Variants in BCL2L11 observed in about 807,000 individuals in gnomAD.
The protein encoded by BCL2L11 is BCL2 like 11.
Under a neutral mutation model 20.6 loss-of-function variants are expected in BCL2L11, and 15 were observed. That is an observed-to-expected ratio of 0.73 (90% confidence interval 0.49 to 1.12). BCL2L11 has a LOEUF of 1.12. Among genes scored for constraint, BCL2L11 ranks in the 50% most tolerant of loss-of-function variants. BCL2L11 has a pLI of 0.00. For missense variants in BCL2L11, 292 were observed against 260.9 expected, an observed-to-expected ratio of 1.12 and a Z score of -0.82; for synonymous variants, 108 against 92.8, an observed-to-expected ratio of 1.16 and a Z score of -0.94.
At chr2:111,145,920 CTTTTTT>C (rs58738963) in intron 2 of BCL2L11, 3,915 of 731,624 alleles carry the variant, frequency 5.4e-3, no homozygotes, top group Middle Eastern at 0.012. Flanking sequence ...TAGTGGCTTT[CTTTTTT>C]TTTTTTTTTT....
At chr2:111,147,775 G>A (rs993317951) in intron 2 of BCL2L11, among the ~76,000 whole-genome samples, 1 of 152,174 alleles carries the variant, frequency 6.6e-6, no homozygotes, top group African/African-American at 2.4e-5. Context: ...TAATTTACGA[G>A]TTAGGGGAAA....
chr2:111,143,579 G>A (rs367622011), intron 2 of BCL2L11, among the ~76,000 whole-genome samples: 28 of 152,194 alleles, frequency 1.8e-4, no homozygotes, highest in East Asian at 1.2e-3. Flanking sequence ...GTGTTCTTCA[G>A]CGAGGACAGC....
rs2079007924 is a variant in BCL2L11 at position 111,166,126 on chromosome 2, T to G, written c.*1895T>G. On this transcript the variant is annotated 3_prime_UTR_variant, in exon 4 of 4. Coordinates refer to ENST00000393256, the MANE Select transcript of BCL2L11 (RefSeq NM_138621.5). The stretch of plus-strand genomic sequence containing the variant: ...CCACGGTTACAAGCAGTGGTAGGAT[T>G]GCAGCCGTGGGCCTGCTGGACACAC... The G allele has an allele frequency of 6.5e-6, 1 of 152,698 alleles. No individual in the cohort carries two copies. Among genetic ancestry groups the G allele is most frequent in the Non-Finnish European group, 1.5e-5 (1 of 68,060 alleles). 9.5% of individuals were successfully genotyped at this position (152,698 alleles called of 1,614,324 possible). A position where few individuals can be genotyped will look rare whatever the true frequency, so the allele number is the denominator to read the frequency against.
rs751588022 is a variant in BCL2L11, at chr2:111,123,733, A to G, written c.-13A>G. On this transcript the variant is annotated splice_region_variant and 5_prime_UTR_variant, in exon 2 of 4. Coordinates refer to ENST00000393256, the MANE Select transcript of BCL2L11 (RefSeq NM_138621.5). ...ATCTTAGTTTTTATTTTACTTGCAGAAAAAAAGACCAAATGGCAAAGCAAC... is the reference window on the plus strand; with the variant it reads ...ATCTTAGTTTTTATTTTACTTGCAGGAAAAAAGACCAAATGGCAAAGCAAC... The G allele has an allele frequency of 2.2e-6, 3 of 1,382,760 alleles. No homozygotes were observed. The African/African-American group carries it at 4.4e-5, about 20-fold the overall frequency. 85.7% of individuals were successfully genotyped at this position (1,382,760 alleles called of 1,614,324 possible). A position where few individuals can be genotyped will look rare whatever the true frequency, so the allele number is the denominator to read the frequency against.
intron 3 of BCL2L11, among the ~76,000 whole-genome samples, chr2:111,162,313 C>T (rs565401128): frequency 3.9e-5 from 6 of 152,340 alleles, no homozygotes; most frequent in South Asian, 2.1e-4. Context: ...CAGGCATCCC[C>T]GCACACTTGC....
chr2:111,153,274 G>C (rs997727307), intron 3 of BCL2L11, among the ~76,000 whole-genome samples: 2 of 152,088 alleles, frequency 1.3e-5, no homozygotes, highest in Admixed American at 6.5e-5. Context: ...AGCTACTCGG[G>C]AGGCTGAGGC....
In BCL2L11 at chr2:111,166,854, CTTA is replaced by C. The variant is rs2079044397; in HGVS notation, c.*2624_*2626del. On this transcript the variant is annotated 3_prime_UTR_variant, in exon 4 of 4. Coordinates refer to ENST00000393256, the MANE Select transcript of BCL2L11 (RefSeq NM_138621.5). Reference sequence around the variant, plus strand: ...ATACAATTGTCTGCCGTTTCCCCTTCTTAATGTATATATTGTGAGTATTTATTA... The same window carrying C: ...ATACAATTGTCTGCCGTTTCCCCTTCATGTATATATTGTGAGTATTTATTA... The C allele has an allele frequency of 6.6e-6, 1 of 152,558 alleles. No homozygotes were observed. The highest frequency in any genetic ancestry group is 2.4e-5 in the African/African-American group (1 of 41,422). The allele number at this position is 152,558 out of a possible 1,614,324, so 9.5% of individuals were successfully genotyped here.
chr2:111,154,263 A>T (rs1175116276), intron 3 of BCL2L11, among the ~76,000 whole-genome samples: 1 of 152,058 alleles, frequency 6.6e-6, no homozygotes, highest in Non-Finnish European at 1.5e-5. Flanking sequence ...CAGTGTAATT[A>T]TCAAAATTCA....
chr2:111,138,677 A>G (rs73954951), intron 2 of BCL2L11, among the ~76,000 whole-genome samples: 3,962 of 152,202 alleles, frequency 0.026, 167 homozygotes, highest in African/African-American at 0.089. Flanking sequence ...TCTCCATCGG[A>G]CAGGATCATG....
intron 1 of BCL2L11, chr2:111,122,610 G>T: frequency 1.0e-6 from 1 of 984,680 alleles, no homozygotes; most frequent in Non-Finnish European, 1.2e-6. Context: ...GGTGCCGGCG[G>T]CGGCGGGCGC....
At chr2:111,134,182 A>T (rs1460925671) in intron 2 of BCL2L11, among the ~76,000 whole-genome samples, 1 of 151,852 alleles carries the variant, frequency 6.6e-6, no homozygotes, top group East Asian at 1.9e-4. Flanking sequence ...ATGTAAGTCT[A>T]AATGCCTTTT....
intron 3 of BCL2L11, chr2:111,153,916 G>A (rs2077522535): frequency 3.9e-6 from 6 of 1,532,764 alleles, no homozygotes; most frequent in Non-Finnish European, 5.3e-6. Context: ...TGAGCGCAAA[G>A]TCCCAGTGCA....
At chr2:111,122,821 G>C in intron 1 of BCL2L11, 2 of 985,410 alleles carry the variant, frequency 2.0e-6, no homozygotes, top group Non-Finnish European at 2.4e-6. Context: ...CGCTGCTTTC[G>C]TGGTGACGGT....
intron 3 of BCL2L11, chr2:111,153,950 A>C (rs368166382): frequency 6.8e-7 from 1 of 1,461,082 alleles, no homozygotes; most frequent in East Asian, 2.6e-5. Context: ...CTCCCGATGC[A>C]GTGTCATTCC....
intron 3 of BCL2L11, among the ~76,000 whole-genome samples, chr2:111,159,654 A>T (rs2078315782): frequency 6.6e-6 from 1 of 152,182 alleles, no homozygotes; most frequent in Non-Finnish European, 1.5e-5. Flanking sequence ...TTATTTTGGC[A>T]TTAGAATGTC....
chr2:111,121,454 T>A (rs1470073038), intron 1 of BCL2L11, among the ~76,000 whole-genome samples: 1 of 152,210 alleles, frequency 6.6e-6, no homozygotes, highest in African/African-American at 2.4e-5. Context: ...CGCGCGGGCC[T>A]GGTGAAGGGT....
Position 111,123,845 on chromosome 2 carries a change from A to T in BCL2L11, c.100A>T (p.Thr34Ser). The change falls in exon 2 of 4, where the codon ACC (threonine) becomes TCC (serine). Residue 34 changes from threonine to serine, a missense_variant. Coordinates refer to ENST00000393256, the MANE Select transcript of BCL2L11 (RefSeq NM_138621.5). The part of the protein sequence containing the change: ...RPPQLRPGAP[T>S]SLQTEPQGNP... ...TCCCCAGCTCAGACCTGGGGCCCCT[A>T]CCTCCCTACAGACAGAGCCACAAGG... 6.4e-7 allele frequency: 1 copy of T among 1,568,158 alleles called. No individual in the cohort carries two copies. The highest frequency in any genetic ancestry group is 1.2e-5 in the South Asian group (1 of 83,546).
At chr2:111,150,359 C>A in intron 3 of BCL2L11, 1 of 963,704 alleles carries the variant, frequency 1.0e-6, no homozygotes, top group Non-Finnish European at 1.4e-6. Flanking sequence ...CAGTAGGAGG[C>A]AGCAAAGGAA....
chr2:111,121,615 G>A (rs1252470845), intron 1 of BCL2L11, among the ~76,000 whole-genome samples: 1 of 152,234 alleles, frequency 6.6e-6, no homozygotes, highest in Non-Finnish European at 1.5e-5. Context: ...CAGTGTGAGG[G>A]TGTTTCGTGT....
Sources: allele counts gnomAD v4.1 joint callset (sites outside exome capture counted in the v4.1 genomes callset), GRCh38; gene constraint gnomAD v4.1.1; transcripts MANE v1.5; gene names NCBI Gene and HGNC (gene_info 2026-07-23, HGNC 2026-07-21).